Variants in C11orf58 observed in about 807,000 individuals in gnomAD.
C11orf58 encodes small acidic protein.
A neutral mutation model predicts 22.7 loss-of-function variants in C11orf58; 5 were observed. That is an observed-to-expected ratio of 0.22 (90% CI 0.12 to 0.46). The LOEUF (loss-of-function observed/expected upper bound fraction) is 0.46, where lower values mean the gene tolerates loss of function less well. Among genes scored for constraint, C11orf58 ranks in the 20% least tolerant of loss-of-function variants. The probability of loss-of-function intolerance (pLI) is 0.99; values close to 1 mark genes in which losing one functional copy is unlikely to be tolerated. For synonymous variants in C11orf58, 71 were observed against 70.7 expected, an observed-to-expected ratio of 1.00 and a Z score of -0.02; for missense variants, 151 against 223.3, an observed-to-expected ratio of 0.68 and a Z score of 2.06.
At chr11:16,743,372 G>C (rs757473175) in intron 1 of C11orf58, among the ~76,000 whole-genome samples, 1 of 152,114 alleles carries the variant, frequency 6.6e-6, no homozygotes, top group Non-Finnish European at 1.5e-5. Context: ...CCTGCTGATG[G>C]CTCTCCCAGT....
intron 3 of C11orf58, 43 bp from the exon 4 acceptor site, chr11:16,752,742 A>G (rs1238015586): frequency 7.2e-7 from 1 of 1,388,100 alleles, no homozygotes; most frequent in East Asian, 2.3e-5. Flanking sequence ...TGTGTAAATT[A>G]TTAATTTGAC....
Position 16,755,136 on chromosome 11 carries a change from A to G in C11orf58, c.*32A>G, listed in dbSNP as rs759381914. 1 of 1,607,916 alleles carries G rather than the reference A, an allele frequency of 6.2e-7. No homozygotes were observed. Among genetic ancestry groups the G allele is most frequent in the East Asian group, 2.2e-5 (1 of 44,852 alleles). On this transcript the variant is annotated 3_prime_UTR_variant, in exon 5 of 5. Coordinates refer to ENST00000228136, the MANE Select transcript of C11orf58 (RefSeq NM_014267.6). ...AACGCTTAGTCTTTGTATTAAAAGTAAGCCTTATTGTTACAATGCACAGTG... is the reference window on the plus strand; with the variant it reads ...AACGCTTAGTCTTTGTATTAAAAGTGAGCCTTATTGTTACAATGCACAGTG...
chr11:16,747,830 A>T (rs923429837), intron 2 of C11orf58: 2 of 224,106 alleles, frequency 8.9e-6, no homozygotes, highest in African/African-American at 4.6e-5. Flanking sequence ...TAAAATTCCA[A>T]CCTGCTCTAC....
At chr11:16,751,970 G>GAGAAAA (rs1848537165) in intron 3 of C11orf58, 1 of 152,148 alleles carries the variant, frequency 6.6e-6, no homozygotes, top group South Asian at 2.1e-4. Flanking sequence ...AGATTGCCAC[G>GAGAAAA]AAAGCACTGG....
At position 16,746,142 on chromosome 11, in the gene C11orf58, C is replaced by T. The variant is rs556229038; in HGVS notation, c.147+1458C>T. ...ACTCTGGTTTAGCAGTGCAAGAAAG[C>T]TTCCCCAAAATAGAATTGATCTGAA... On this transcript the variant is annotated intron_variant, in intron 2 of 4. Transcript: ENST00000228136. 2.6e-5 allele frequency among the ~76,000 whole-genome samples: 4 copies of T among 152,346 alleles called. No individual in the cohort carries two copies. The South Asian group carries it at 8.3e-4, about 32-fold the overall frequency.
At chr11:16,747,030 T>C (rs1848492622) in intron 2 of C11orf58, 1 of 152,224 alleles carries the variant, frequency 6.6e-6, no homozygotes, top group Non-Finnish European at 1.5e-5. Context: ...AGTATATTTG[T>C]AATCCTAGCC....
intron 2 of C11orf58, among the ~76,000 whole-genome samples, chr11:16,745,930 C>T (rs1848484363): frequency 6.6e-6 from 1 of 152,132 alleles, no homozygotes; most frequent in South Asian, 2.1e-4. Flanking sequence ...CATGGGAATA[C>T]ATTCATTCAT....
rs984449029 is a variant in C11orf58, at chr11:16,757,267, G to A, written c.*2163G>A. Among the ~76,000 whole-genome samples, 16 of 152,204 alleles carry A rather than the reference G, an allele frequency of 1.1e-4. No homozygotes were observed. The highest frequency in any genetic ancestry group is 3.9e-4 in the African/African-American group (16 of 41,442). On this transcript the variant is annotated 3_prime_UTR_variant, in exon 5 of 5. Transcript: ENST00000228136. ...GATTTTTACTTAAGAATGGGATAGA[G>A]ATGAGTTTTATGGTTTTTAAAAGTA... is the stretch of plus-strand genomic sequence containing the variant.
chr11:16,739,914 G>T (rs1049541125), intron 1 of C11orf58, among the ~76,000 whole-genome samples: 4 of 152,182 alleles, frequency 2.6e-5, no homozygotes, highest in Non-Finnish European at 4.4e-5. Flanking sequence ...TAGCAAATGA[G>T]ATAATGTTAA....
chr11:16,740,467 A>G (rs1848437978), intron 1 of C11orf58, among the ~76,000 whole-genome samples: 1 of 151,810 alleles, frequency 6.6e-6, no homozygotes. Context: ...GGCACGATCG[A>G]TCAGTGCTCC....
intron 4 of C11orf58, among the ~76,000 whole-genome samples, chr11:16,753,098 T>C (rs1848546538): frequency 6.6e-6 from 1 of 152,184 alleles, no homozygotes; most frequent in Admixed American, 6.5e-5. Context: ...GGGGTTGTTT[T>C]TTCCTTTTTT....
intron 1 of C11orf58, among the ~76,000 whole-genome samples, chr11:16,739,807 G>C (rs1848431053): frequency 6.6e-6 from 1 of 152,078 alleles, no homozygotes; most frequent in Non-Finnish European, 1.5e-5. Context: ...TTTGTTTAAA[G>C]TACTGTCAAT....
chr11:16,753,314 C>T (rs1848548297), intron 4 of C11orf58, among the ~76,000 whole-genome samples: 2 of 152,004 alleles, frequency 1.3e-5, no homozygotes, highest in African/African-American at 2.4e-5. Flanking sequence ...GTGATCCCAC[C>T]CACCTTGGGC....
chr11:16,745,479 GA>G (rs769505282), intron 2 of C11orf58, among the ~76,000 whole-genome samples: 3 of 152,122 alleles, frequency 2.0e-5, no homozygotes, highest in Non-Finnish European at 2.9e-5. Flanking sequence ...TTACAATAAA[GA>G]AAAGGAAATG....
At chr11:16,739,805 A>C (rs962661932) in intron 1 of C11orf58, among the ~76,000 whole-genome samples, 1 of 152,036 alleles carries the variant, frequency 6.6e-6, no homozygotes, top group Non-Finnish European at 1.5e-5. Context: ...GTTTTGTTTA[A>C]AGTACTGTCA....
chr11:16,751,501 A>AG, intron 3 of C11orf58: 1 of 24,530 alleles, frequency 4.1e-5, no homozygotes, highest in East Asian at 8.9e-4. Context: ...GACTCCCTCG[A>AG]AAAAAAAAAA....
chr11:16,751,942 A>T (rs1848536756), intron 3 of C11orf58: 1 of 152,230 alleles, frequency 6.6e-6, no homozygotes, highest in Non-Finnish European at 1.5e-5. Flanking sequence ...TGGATTAAAG[A>T]CAAAGTGGAA....
intron 1 of C11orf58, among the ~76,000 whole-genome samples, chr11:16,742,161 TAGA>T (rs1848453380): frequency 6.6e-6 from 1 of 152,244 alleles, no homozygotes; most frequent in Non-Finnish European, 1.5e-5. Context: ...TGTTTTTTAA[TAGA>T]AGCAGAATCA....
At chr11:16,742,287 A>G (rs751403394) in intron 1 of C11orf58, among the ~76,000 whole-genome samples, 2 of 150,782 alleles carry the variant, frequency 1.3e-5, no homozygotes, top group African/African-American at 2.5e-5. Context: ...GAAAAAACAC[A>G]GGATGGTCAG....
Sources: gnomAD v4.1 joint callset for allele counts (sites outside exome capture counted in the v4.1 genomes callset) on GRCh38, gnomAD v4.1.1 for gene constraint, MANE v1.5 for transcripts, NCBI Gene and HGNC (gene_info 2026-07-23, HGNC 2026-07-21) for gene names.